SORCS3: variants seen among roughly 807,000 people sequenced by gnomAD.
SORCS3 encodes the protein sortilin related VPS10 domain containing receptor 3, also known as VPS10 domain-containing receptor SorCS3.
A neutral mutation model predicts 146.3 loss-of-function variants in SORCS3; 57 were observed. The ratio of observed to expected loss-of-function variants is 0.39; its 90% CI spans 0.31 to 0.49. The LOEUF (loss-of-function observed/expected upper bound fraction) is 0.49, where lower values mean the gene tolerates loss of function less well. SORCS3 is among the 20% of genes least tolerant of loss of function. The pLI is 0.92. For missense variants in SORCS3, 1,341 were observed against 1,575.5 expected (o/e 0.85, Z 2.52); for synonymous variants, 653 against 618.5 (o/e 1.06, Z -0.83).
chr10:105,059,128 T>C (rs2055465856), intron 5 of SORCS3, among the ~76,000 whole-genome samples: 1 of 152,142 alleles, frequency 6.6e-6, no homozygotes, highest in Non-Finnish European at 1.5e-5. Flanking sequence ...TAAGAGGTCA[T>C]TTTGAAAACC....
chr10:104,671,514 T>C (rs1243853419), intron 1 of SORCS3, among the ~76,000 whole-genome samples: 1 of 151,290 alleles, frequency 6.6e-6, no homozygotes, highest in Non-Finnish European at 1.5e-5. Context: ...TAAATATTTT[T>C]TTTTTTCTTT....
intron 2 of SORCS3, among the ~76,000 whole-genome samples, chr10:104,883,171 T>A (rs185456212): frequency 1.0e-3 from 154 of 152,290 alleles, no homozygotes; most frequent in African/African-American, 3.6e-3. Flanking sequence ...GTTTCCACAC[T>A]GGGGTGAGTG....
chr10:105,221,728 C>G (rs1233833471), intron 19 of SORCS3, among the ~76,000 whole-genome samples: 2 of 152,148 alleles, frequency 1.3e-5, no homozygotes, highest in Non-Finnish European at 2.9e-5. Context: ...TTCAAGGCCC[C>G]CAGGCTGAAG....
chr10:105,002,997 C>T (rs143640009), intron 4 of SORCS3, among the ~76,000 whole-genome samples: 9 of 152,268 alleles, frequency 5.9e-5, no homozygotes, highest in Admixed American at 1.3e-4. Flanking sequence ...TTACTATCCC[C>T]GTTTCATAGA....
At chr10:105,225,778 C>T (rs908842202) in intron 20 of SORCS3, among the ~76,000 whole-genome samples, 3 of 151,984 alleles carry the variant, frequency 2.0e-5, no homozygotes, top group Non-Finnish European at 2.9e-5. Context: ...GTTTTTCCTA[C>T]ATGGATCTTG....
chr10:104,741,021 G>A (rs777233422), intron 1 of SORCS3, among the ~76,000 whole-genome samples: 1 of 151,884 alleles, frequency 6.6e-6, no homozygotes, highest in African/African-American at 2.4e-5. Flanking sequence ...GAATGCAATG[G>A]TCCTATCATA....
intron 4 of SORCS3, among the ~76,000 whole-genome samples, chr10:105,026,854 G>T (rs547047359): frequency 3.3e-5 from 5 of 152,108 alleles, no homozygotes; most frequent in Non-Finnish European, 5.9e-5. Context: ...GGGACCAAGG[G>T]GTGAAAAACC....
intron 5 of SORCS3, among the ~76,000 whole-genome samples, chr10:105,055,494 G>C (rs1024825129): frequency 2.0e-5 from 3 of 152,142 alleles, no homozygotes; most frequent in African/African-American, 7.2e-5. Flanking sequence ...CAGTCAGAAA[G>C]GATACCAGAT....
intron 13 of SORCS3, among the ~76,000 whole-genome samples, 170 bp downstream of exon 13, chr10:105,167,519 A>G (rs1447207600): frequency 6.6e-6 from 1 of 152,116 alleles, no homozygotes; most frequent in African/African-American, 2.4e-5. Context: ...ATAAGCAGCA[A>G]TAGTAGGCCA....
chr10:105,078,743 C>T (rs1392781879), intron 5 of SORCS3, among the ~76,000 whole-genome samples: 2 of 152,122 alleles, frequency 1.3e-5, no homozygotes, highest in African/African-American at 4.8e-5. Flanking sequence ...AATTAGTTCT[C>T]ATAAAAACAA....
chr10:105,236,428 G>A (rs2056793367), intron 20 of SORCS3, among the ~76,000 whole-genome samples: 1 of 152,142 alleles, frequency 6.6e-6, no homozygotes, highest in Non-Finnish European at 1.5e-5. Context: ...AAATTGTTTA[G>A]GGAGAAGTTA....
chr10:105,265,212 A>C lies in SORCS3; in HGVS notation c.*1838A>C, dbSNP rs1458193465. 1 of 152,598 alleles carries C rather than the reference A, an allele frequency of 6.6e-6. No homozygotes were observed. The highest frequency in any genetic ancestry group is 1.5e-5 in the Non-Finnish European group (1 of 68,054). 9.5% of individuals were successfully genotyped at this position (152,598 alleles called of 1,614,324 possible). A position where few individuals can be genotyped will look rare whatever the true frequency, so the allele number is the denominator to read the frequency against. ...AAAGACAGTGGTTTTGAAATTGTTG[A>C]AAATAAATGTATTTTTGTACATCAA... On this transcript the variant is annotated 3_prime_UTR_variant, in exon 27 of 27. Transcript: ENST00000369701.
intron 3 of SORCS3, among the ~76,000 whole-genome samples, chr10:104,953,168 T>C (rs1038991040): frequency 2.6e-5 from 4 of 152,244 alleles, no homozygotes; most frequent in African/African-American, 7.2e-5. Context: ...TCTGCCTCAA[T>C]GCCACATAGT....
chr10:105,002,052 C>A (rs2133673538), intron 4 of SORCS3, among the ~76,000 whole-genome samples: 1 of 152,228 alleles, frequency 6.6e-6, no homozygotes, highest in Middle Eastern at 3.4e-3. Flanking sequence ...CTGCCAAAAT[C>A]AAAATGAGAG....
At chr10:105,251,389 A>C (rs984439034) in intron 22 of SORCS3, among the ~76,000 whole-genome samples, 1 of 152,182 alleles carries the variant, frequency 6.6e-6, no homozygotes, top group African/African-American at 2.4e-5. Flanking sequence ...GGGGATTACT[A>C]TTCAAGGTGA....
chr10:104,683,218 G>A (rs73330350), intron 1 of SORCS3, among the ~76,000 whole-genome samples: 1,676 of 152,326 alleles, frequency 0.011, 27 homozygotes, highest in African/African-American at 0.035. Flanking sequence ...ACTTTGAGAA[G>A]GAGAAAGCCT....
chr10:104,939,781 C>T (rs555576380), intron 3 of SORCS3, among the ~76,000 whole-genome samples: 1 of 152,316 alleles, frequency 6.6e-6, no homozygotes, highest in African/African-American at 2.4e-5. Flanking sequence ...TGCTCCACAA[C>T]ACTCGGGTGG....
At chr10:104,926,020 A>G in intron 3 of SORCS3, among the ~76,000 whole-genome samples, 1 of 152,242 alleles carries the variant, frequency 6.6e-6, no homozygotes, top group East Asian at 1.9e-4. Flanking sequence ...GCTGGCATCA[A>G]GATTGCAGAC....
intron 7 of SORCS3, among the ~76,000 whole-genome samples, chr10:105,134,831 C>G (rs985328775): frequency 1.3e-5 from 2 of 152,098 alleles, no homozygotes; most frequent in Non-Finnish European, 1.5e-5. Flanking sequence ...TTAATTTGTT[C>G]CAGCATCAAC....
Sources: gnomAD v4.1 joint callset for allele counts (sites outside exome capture counted in the v4.1 genomes callset) on GRCh38, gnomAD v4.1.1 for gene constraint, MANE v1.5 for transcripts, NCBI Gene and HGNC (gene_info 2026-07-23, HGNC 2026-07-21) for gene names.